The following ATG5 variants were observed in gnomAD, a reference collection of about 807,000 sequenced individuals.
ATG5 encodes the protein autophagy related 5, also known as autophagy protein 5.
In ATG5, 14 loss-of-function variants were observed where a neutral mutation model predicts 36.5. The observed-to-expected ratio is 0.38, with a 90% CI of 0.25 to 0.60. ATG5 has a LOEUF of 0.60. ATG5 is among the 20% of genes least tolerant of loss of function. The pLI is 0.60. For missense variants in ATG5, 195 were observed against 326.7 expected (o/e 0.60, Z 3.11); for synonymous variants, 95 against 101.5 (o/e 0.94, Z 0.38).
At chr6:106,300,035 G>A (rs1415214508) in intron 3 of ATG5, among the ~76,000 whole-genome samples, 1 of 152,164 alleles carries the variant, frequency 6.6e-6, no homozygotes, top group Non-Finnish European at 1.5e-5. Flanking sequence ...GAGTAGCAAT[G>A]TGTTTCACAG....
chr6:106,245,378 T>C (rs1778288081), intron 6 of ATG5, among the ~76,000 whole-genome samples: 1 of 152,214 alleles, frequency 6.6e-6, no homozygotes, highest in Non-Finnish European at 1.5e-5. Context: ...TCACTTTTCA[T>C]GATAATTATG....
At chr6:106,235,740 G>A (rs547737659) in intron 6 of ATG5, among the ~76,000 whole-genome samples, 3 of 151,370 alleles carry the variant, frequency 2.0e-5, no homozygotes, top group East Asian at 1.9e-4. Context: ...AGCCGGCAAC[G>A]GCTACCTTCT....
rs6907901 is a variant in ATG5, at chr6:106,309,144, T to C, written c.109-653A>G. Among the ~76,000 whole-genome samples, 1,136 of 152,304 alleles carry C rather than the reference T, an allele frequency of 7.5e-3. 15 individuals are homozygous for C. Among genetic ancestry groups the C allele is most frequent in the African/African-American group, 0.026 (1,070 of 41,574 alleles). On this transcript the variant is annotated intron_variant, in intron 2 of 7. Transcript: ENST00000369076. ...AATTTATGGTTTTCCTCCTTTGCAGTAGACACTCTAGCCATTTCTTGCTTT... is the reference window on the plus strand; with the variant it reads ...AATTTATGGTTTTCCTCCTTTGCAGCAGACACTCTAGCCATTTCTTGCTTT...
intron 6 of ATG5, among the ~76,000 whole-genome samples, chr6:106,208,631 C>A (rs1455437062): frequency 6.6e-6 from 1 of 151,136 alleles, no homozygotes; most frequent in Non-Finnish European, 1.5e-5. Flanking sequence ...AAGGCATGAC[C>A]CATAAAAGGG....
intron 6 of ATG5, among the ~76,000 whole-genome samples, chr6:106,216,003 T>C (rs1040969510): frequency 6.6e-6 from 1 of 152,228 alleles, no homozygotes; most frequent in Non-Finnish European, 1.5e-5. Context: ...TGAAAAGATG[T>C]TTAGCATCAC....
chr6:106,302,700 T>C (rs548863362), intron 3 of ATG5, among the ~76,000 whole-genome samples: 1 of 152,108 alleles, frequency 6.6e-6, no homozygotes, highest in South Asian at 2.1e-4. Context: ...GCTCTTTTTT[T>C]ACTACAATAG....
chr6:106,219,394 C>T (rs532906), intron 6 of ATG5, among the ~76,000 whole-genome samples: 92,364 of 152,008 alleles, frequency 0.61, 29,483 homozygotes, highest in African/African-American at 0.81. Context: ...CTCAGCCACA[C>T]ATCTAACACA....
chr6:106,250,859 T>C (rs1778546658), intron 5 of ATG5, among the ~76,000 whole-genome samples: 1 of 152,216 alleles, frequency 6.6e-6, no homozygotes, highest in Admixed American at 6.5e-5. Flanking sequence ...AATTCACCCT[T>C]CAATATATGC....
intron 6 of ATG5, among the ~76,000 whole-genome samples, chr6:106,234,776 T>C (rs1035074501): frequency 6.6e-6 from 1 of 152,208 alleles, no homozygotes; most frequent in African/African-American, 2.4e-5. Context: ...GGTTCTGGCA[T>C]TGGCGGTACC....
intron 5 of ATG5, among the ~76,000 whole-genome samples, chr6:106,260,825 T>C (rs969963951): frequency 3.3e-5 from 5 of 152,194 alleles, no homozygotes; most frequent in African/African-American, 1.2e-4. Flanking sequence ...ATACAGAATT[T>C]TAACAGCCAG....
chr6:106,298,483 G>A (rs1381687456), intron 3 of ATG5, among the ~76,000 whole-genome samples: 7 of 151,892 alleles, frequency 4.6e-5, no homozygotes, highest in African/African-American at 1.7e-4. Context: ...CCCGGGAGGC[G>A]GAGGTTGCAG....
intron 6 of ATG5, among the ~76,000 whole-genome samples, chr6:106,221,703 G>GAA (rs1777258012): frequency 7.6e-6 from 1 of 131,554 alleles, no homozygotes; most frequent in African/African-American, 2.9e-5. Flanking sequence ...AAAAAAAAAA[G>GAA]AAAGAAAGAA....
intron 4 of ATG5, among the ~76,000 whole-genome samples, chr6:106,284,186 C>A (rs1370454664): frequency 6.6e-6 from 1 of 152,184 alleles, no homozygotes; most frequent in Non-Finnish European, 1.5e-5. Context: ...ATTCAGTTCT[C>A]TTGGGAATAT....
At chr6:106,254,074 C>T (rs1041771891) in intron 5 of ATG5, among the ~76,000 whole-genome samples, 2 of 152,120 alleles carry the variant, frequency 1.3e-5, no homozygotes, top group Admixed American at 1.3e-4. Context: ...CTAAGTCATG[C>T]TATTTTTCTT....
At chr6:106,224,172 C>G (rs1342975179) in intron 6 of ATG5, among the ~76,000 whole-genome samples, 1 of 152,170 alleles carries the variant, frequency 6.6e-6, no homozygotes, top group Non-Finnish European at 1.5e-5. Context: ...AATAAAAGAT[C>G]AAAGATGTTT....
At chr6:106,211,524 C>G (rs1776851009) in intron 6 of ATG5, among the ~76,000 whole-genome samples, 2 of 152,198 alleles carry the variant, frequency 1.3e-5, no homozygotes, top group African/African-American at 4.8e-5. Flanking sequence ...GCCTGGCCAA[C>G]ATGGCGAAAC....
At chr6:106,292,928 G>A (rs1274973051) in intron 4 of ATG5, 100 bp downstream of exon 4, 3 of 920,866 alleles carry the variant, frequency 3.3e-6, no homozygotes, top group Non-Finnish European at 5.1e-6. Flanking sequence ...CAGTGTCAGG[G>A]GAAAAGCAAT....
intron 6 of ATG5, among the ~76,000 whole-genome samples, chr6:106,205,344 T>C (rs1776589654): frequency 6.6e-6 from 1 of 152,186 alleles, no homozygotes; most frequent in Admixed American, 6.5e-5. Flanking sequence ...TTTCAAGAAT[T>C]TGGAGCTCTC....
intron 3 of ATG5, among the ~76,000 whole-genome samples, chr6:106,294,227 T>C (rs1780442897): frequency 1.3e-5 from 2 of 152,212 alleles, no homozygotes; most frequent in South Asian, 4.1e-4. Context: ...TATAATCTAT[T>C]AATGAGTTAC....
Sources: allele counts gnomAD v4.1 joint callset (sites outside exome capture counted in the v4.1 genomes callset), GRCh38; gene constraint gnomAD v4.1.1; transcripts MANE v1.5; gene names NCBI Gene and HGNC (gene_info 2026-07-23, HGNC 2026-07-21).